The following ADA variants were observed in gnomAD, a reference collection of about 807,000 sequenced individuals.
The protein encoded by ADA is adenosine deaminase.
Under a neutral mutation model 49.0 loss-of-function variants are expected in ADA, and 45 were observed. The ratio of observed to expected loss-of-function variants is 0.92; its 90% CI spans 0.72 to 1.18. The LOEUF (loss-of-function observed/expected upper bound fraction) is 1.18. ADA is among the 50% of genes most tolerant of loss of function. The probability of loss-of-function intolerance (pLI) is 0.00; values close to 1 mark genes in which losing one functional copy is unlikely to be tolerated. For missense variants in ADA, 445 were observed against 472.5 expected (o/e 0.94, Z 0.54); for synonymous variants, 173 against 184.2 (o/e 0.94, Z 0.49).
chr20:44,621,059 T>G lies in ADA; in HGVS notation c.934A>C (p.Lys312Gln), dbSNP rs530131290. ...STLDTDYQMT[K>Q]RDMGFTEEEF... is the part of the protein sequence containing the mutation. ...TCTTCAGTAAAGCCCATGTCCCGTT[T>G]GGTCATCTGGTAATCAGTGTCCAGG... Residue 312 changes from lysine to glutamine, a missense_variant, in exon 10 of 12, where the codon AAA becomes CAA. Transcript: ENST00000372874. 5.6e-6 allele frequency: 9 copies of G among 1,614,202 alleles called. No individual in the cohort carries two copies. The African/African-American group carries it at 1.2e-4, about 22-fold the overall frequency.
chr20:44,644,536 C>T (rs1488590651), intron 1 of ADA, among the ~76,000 whole-genome samples: 1 of 152,208 alleles, frequency 6.6e-6, no homozygotes, highest in Non-Finnish European at 1.5e-5. Context: ...GTGGCCAGAA[C>T]CCAGATGAGC....
chr20:44,639,934 T>C lies in ADA; in HGVS notation c.34-3646A>G, dbSNP rs1057201323. On this transcript the variant is annotated intron_variant, in intron 1 of 11. Transcript: ENST00000372874. ...GACCAGCACAAGCACTTAATGGCCT[T>C]ACGGAGGAGGCTGAGCCTACAGAAC... Among the ~76,000 whole-genome samples the C allele has an allele frequency of 2.6e-5, 4 of 151,886 alleles. No individual in the cohort carries two copies. In the South Asian group the frequency reaches 8.3e-4, roughly 31 times the overall value.
chr20:44,624,205 G>C lies in ADA; in HGVS notation c.603C>G (p.Tyr201Ter), dbSNP rs1555844395. The C allele has an allele frequency of 6.2e-7, 1 of 1,611,268 alleles. No individual in the cohort carries two copies. Among genetic ancestry groups the C allele is most frequent in the African/African-American group, 1.3e-5 (1 of 74,980 alleles). ...CATTCCTTCTCACAGGACCCACCTG[G>C]TAGGCCTGGACATGTCCAGGCAAGA... ...SSLLPGHVQA[Y>*]QEAVKSGIHR... The change falls in exon 6 of 12, where the codon TAC becomes TAG. Residue 201 changes from tyrosine (Y) to a stop codon, truncating the protein, a stop_gained. Coordinates refer to ENST00000372874, the MANE Select transcript of ADA (RefSeq NM_000022.4). LOFTEE classifies it high-confidence loss of function.
At chr20:44,624,687 T>C (rs141066592) in intron 5 of ADA, among the ~76,000 whole-genome samples, 81 of 152,318 alleles carry the variant, frequency 5.3e-4, no homozygotes, top group African/African-American at 1.8e-3. Context: ...CTTATTCCCA[T>C]GCGCAGATGA....
At chr20:44,627,513 CAT>C (rs1449825854) in intron 3 of ADA, among the ~76,000 whole-genome samples, 1 of 152,122 alleles carries the variant, frequency 6.6e-6, no homozygotes, top group Non-Finnish European at 1.5e-5. Context: ...GCCCCTCCAC[CAT>C]TCTCCTGGGC....
chr20:44,641,773 T>G (rs1024875048), intron 1 of ADA, among the ~76,000 whole-genome samples: 3 of 126,032 alleles, frequency 2.4e-5, no homozygotes, highest in Admixed American at 7.5e-5. Flanking sequence ...GTTGTTGTTG[T>G]TTTTTTTTTT....
intron 2 of ADA, among the ~76,000 whole-genome samples, chr20:44,635,204 C>T (rs1487107749): frequency 3.9e-5 from 6 of 152,134 alleles, no homozygotes; most frequent in African/African-American, 1.2e-4. Context: ...GAACCTTCCT[C>T]GCTGGGGAAC....
Position 44,621,130 on chromosome 20 carries a change from G to C in ADA, c.863C>G (p.Ala288Gly). Residue 288 changes from alanine to glycine, a missense_variant, in exon 10 of 12, where the codon GCT (alanine) becomes GGT (glycine). By Grantham distance (60) the Ala-to-Gly change is moderately conservative (BLOSUM62 0). Transcript: ENST00000372874. ...GTCATCTGTGTTGAGCGAGTAGTTAGCCTGGTCATTTTTGAGCCTGCAGAA... is the reference window on the plus strand; with the variant it reads ...GTCATCTGTGTTGAGCGAGTAGTTACCCTGGTCATTTTTGAGCCTGCAGAA... ...HAVIRLKNDQ[A>G]NYSLNTDDPL... is the part of the protein sequence containing the mutation. 6.2e-7 allele frequency: 1 copy of C among 1,614,174 alleles called. No homozygotes were observed. Among genetic ancestry groups the C allele is most frequent in the Non-Finnish European group, 8.5e-7 (1 of 1,180,020 alleles).
Position 44,640,051 on chromosome 20 carries a change from T to C in ADA, c.34-3763A>G, listed in dbSNP as rs1600941612. Among the ~76,000 whole-genome samples the C allele has an allele frequency of 2.0e-5, 3 of 152,048 alleles. No individual in the cohort carries two copies. The South Asian group carries it at 6.2e-4, about 32-fold the overall frequency. ...CGAGCAACGGTTCACAGGGTTAGCA[T>C]AGTGGGCTGAATGGTGGCCCCCACA... is the stretch of plus-strand genomic sequence containing the variant. On this transcript the variant is annotated intron_variant, in intron 1 of 11. Coordinates refer to ENST00000372874, the MANE Select transcript of ADA (RefSeq NM_000022.4).
Position 44,620,335 on chromosome 20 carries a change from AG to A in ADA, c.1041del (p.Tyr348IlefsTer?). The A allele has an allele frequency of 6.2e-7, 1 of 1,614,238 alleles. No individual in the cohort carries two copies. Among genetic ancestry groups the A allele is most frequent in the Non-Finnish European group, 8.5e-7 (1 of 1,180,042 alleles). On this transcript the variant is annotated frameshift_variant, in exon 11 of 12. Coordinates refer to ENST00000372874, the MANE Select transcript of ADA (RefSeq NM_000022.4). LOFTEE classifies it low-confidence loss of function (END_TRUNC). ...GAAGGTGGCATCCCATAGGCTTTAT[AG>A]AGCAGGTCGAGAAGCTCCCTCTTTT... ...EDEKRELLDL[L>X]YKAYGMPPSA...
chr20:44,625,281 T>G (rs1600922912), intron 5 of ADA, among the ~76,000 whole-genome samples: 1 of 152,160 alleles, frequency 6.6e-6, no homozygotes, highest in South Asian at 2.1e-4. Context: ...CTGATCAGAA[T>G]CTAGCCTAGA....
chr20:44,620,497 G>A (rs1005671244), intron 10 of ADA, 96 bp from the exon 11 acceptor site: 7 of 1,031,966 alleles, frequency 6.8e-6, no homozygotes, highest in Non-Finnish European at 1.1e-5. Context: ...ACTCAACATG[G>A]GCAGATACGC....
In ADA at chr20:44,625,428, C is replaced by T. The variant is rs928814748; in HGVS notation, c.478+141G>A. 3.9e-6 allele frequency: 3 copies of T among 766,698 alleles called. No homozygotes were observed. The African/African-American group carries it at 5.2e-5, about 13-fold the overall frequency. The allele number at this position is 766,698 out of a possible 1,614,324, so 47.5% of individuals were successfully genotyped here. On this transcript the variant is annotated intron_variant, in intron 5 of 11. Coordinates refer to ENST00000372874, the MANE Select transcript of ADA (RefSeq NM_000022.4). ...AGGTCTCCAGTTGTTTCATGAAGCC[C>T]CAAGTTCATGCCAGTGGGCTCAAGG...
chr20:44,642,110 G>A (rs1401025242), intron 1 of ADA, among the ~76,000 whole-genome samples: 1 of 152,150 alleles, frequency 6.6e-6, no homozygotes, highest in Non-Finnish European at 1.5e-5. Flanking sequence ...CCACCTCCCA[G>A]CTCTGCTTTA....
At chr20:44,631,957 T>C (rs375114266) in intron 2 of ADA, among the ~76,000 whole-genome samples, 1 of 152,124 alleles carries the variant, frequency 6.6e-6, no homozygotes, top group East Asian at 1.9e-4. Context: ...GGCTCCTCCA[T>C]CTACCCAGCT....
At position 44,637,170 on chromosome 20, in the gene ADA, G is replaced by A. The variant is rs535467309; in HGVS notation, c.34-882C>T. Among the ~76,000 whole-genome samples, 28 of 152,260 alleles carry A rather than the reference G, an allele frequency of 1.8e-4. No homozygotes were observed. In the South Asian group the frequency reaches 5.0e-3, roughly 27 times the overall value. On this transcript the variant is annotated intron_variant, in intron 1 of 11. Coordinates refer to ENST00000372874, the MANE Select transcript of ADA (RefSeq NM_000022.4). ...CTATCAGGAATCAATATTAGGCAACGGAAGATCTTTCTAGTACTCTAGAGT... is the reference window on the plus strand; with the variant it reads ...CTATCAGGAATCAATATTAGGCAACAGAAGATCTTTCTAGTACTCTAGAGT...
At chr20:44,619,994 G>A (rs1400797239) in intron 11 of ADA, 147 bp from the exon 12 acceptor site, 1 of 1,144,206 alleles carries the variant, frequency 8.7e-7, no homozygotes, top group Non-Finnish European at 1.3e-6. Flanking sequence ...GAAGAAAGGA[G>A]CAGAACAGGC....
Position 44,623,094 on chromosome 20 carries a change from C to G in ADA, c.607-16G>C, listed in dbSNP as rs369386306. 7 of 1,613,820 alleles carry G rather than the reference C, an allele frequency of 4.3e-6. No individual in the cohort carries two copies. The highest frequency in any genetic ancestry group is 5.1e-6 in the Non-Finnish European group (6 of 1,179,986). ...TCACAGCCTCCTGGAAGGGGGAGAG[C>G]CAGGTCATGGGTGCCCTAGCGGGAG... On this transcript the variant is annotated splice_polypyrimidine_tract_variant and intron_variant, in intron 6 of 11. Transcript: ENST00000372874.
intron 6 of ADA, 85 bp downstream of exon 6, chr20:44,624,117 C>T (rs1600921347): frequency 6.5e-7 from 1 of 1,532,178 alleles, no homozygotes. Flanking sequence ...CACCATGGTC[C>T]CTGGTTCTTG....
Sources: allele counts gnomAD v4.1 joint callset (sites outside exome capture counted in the v4.1 genomes callset), GRCh38; gene constraint gnomAD v4.1.1; transcripts MANE v1.5; gene names NCBI Gene and HGNC (gene_info 2026-07-23, HGNC 2026-07-21).